CDCA7L: variants seen among roughly 807,000 people sequenced by gnomAD.
CDCA7L encodes the protein cell division cycle associated 7 like, also known as cell division cycle-associated 7-like protein.
CDCA7L carries 44 observed loss-of-function variants against 57.4 expected under a neutral mutation model. The observed-to-expected ratio is 0.77, with a 90% confidence interval of 0.60 to 0.98. The LOEUF (loss-of-function observed/expected upper bound fraction) is 0.98, where lower values mean the gene tolerates loss of function less well. Among genes scored for constraint, CDCA7L ranks in the 50% least tolerant of loss-of-function variants. The pLI, the probability that CDCA7L is intolerant of heterozygous loss-of-function variation, is 0.00. For synonymous variants in CDCA7L, 236 were observed against 202.8 expected, an observed-to-expected ratio of 1.16 and a Z score of -1.39; for missense variants, 644 against 580.6, an observed-to-expected ratio of 1.11 and a Z score of -1.12.
chr7:21,905,041 T>C (rs879872094), intron 7 of CDCA7L, among the ~76,000 whole-genome samples: 1 of 152,008 alleles, frequency 6.6e-6, no homozygotes, highest in Non-Finnish European at 1.5e-5. Context: ...AACTTGACAG[T>C]GTCCCGTTAC....
intron 1 of CDCA7L, among the ~76,000 whole-genome samples, chr7:21,933,111 G>A (rs962078862): frequency 5.3e-5 from 8 of 152,004 alleles, no homozygotes; most frequent in Non-Finnish European, 7.4e-5. Context: ...ATACCATCTC[G>A]TGCCAGTTAG....
intron 1 of CDCA7L, among the ~76,000 whole-genome samples, chr7:21,943,108 C>A (rs1213321940): frequency 6.6e-6 from 1 of 152,214 alleles, no homozygotes; most frequent in African/African-American, 2.4e-5. Context: ...ATGAGCTGCA[C>A]TGTTGACAGC....
chr7:21,904,760 A>AGAAT lies in CDCA7L; in HGVS notation c.1048-505_1048-502dup, dbSNP rs538146447. ...CAAAAAGGTTGGGGACCACTGCTCTAGAATGTAACCATCACAGGTCTGTGG... is the reference window on the plus strand; with the variant it reads ...CAAAAAGGTTGGGGACCACTGCTCTAGAATGAATGTAACCATCACAGGTCTGTGG... On this transcript the variant is annotated intron_variant, in intron 7 of 9. Coordinates refer to ENST00000406877, the MANE Select transcript of CDCA7L (RefSeq NM_018719.5). Among the ~76,000 whole-genome samples the AGAAT allele has an allele frequency of 4.6e-5, 7 of 152,324 alleles. No individual in the cohort carries two copies. In the South Asian group the frequency reaches 1.4e-3, roughly 32 times the overall value.
chr7:21,943,785 T>A (rs1786420465), intron 1 of CDCA7L, among the ~76,000 whole-genome samples: 1 of 151,954 alleles, frequency 6.6e-6, no homozygotes, highest in South Asian at 2.1e-4. Flanking sequence ...AATTGGTGCA[T>A]AATGGATCGG....
Position 21,905,619 on chromosome 7 carries a change from C to G in CDCA7L, c.934G>C (p.Glu312Gln), listed in dbSNP as rs761462775. 1.9e-6 allele frequency: 3 copies of G among 1,613,694 alleles called. No homozygotes were observed. In the Admixed American group the frequency reaches 5.0e-5, roughly 27 times the overall value. ...GATATACGGTGACGTCGTCTGTACT[C>G]CCGGCATTTCCCCTGCACAATGAAC... ...RRKTIGGKCR[E>Q]YRRRHRISSF... Residue 312 changes from glutamate (E) to glutamine (Q), a missense_variant, in exon 7 of 10, where the codon GAG becomes CAG. Transcript: ENST00000406877.
chr7:21,904,722 C>T (rs1173708641), intron 7 of CDCA7L, among the ~76,000 whole-genome samples: 1 of 152,202 alleles, frequency 6.6e-6, no homozygotes, highest in East Asian at 1.9e-4. Context: ...TTCACAAAAC[C>T]AGTCCCTGGT....
At chr7:21,939,620 A>G (rs1487607008) in intron 1 of CDCA7L, among the ~76,000 whole-genome samples, 1 of 152,212 alleles carries the variant, frequency 6.6e-6, no homozygotes, top group African/African-American at 2.4e-5. Flanking sequence ...AGATTATCAA[A>G]TTGGACAAGT....
chr7:21,908,481 A>G lies in CDCA7L; in HGVS notation c.330T>C (p.Asp110=). Residue 110 remains aspartate, a synonymous_variant, in exon 4 of 10, where the codon GAT becomes GAC. Transcript: ENST00000406877. ...CCTCGCTCACCAAAGATGCTTTGCC[A>G]TCATCACTCAAATCTGACTCCACGA... The part of the protein sequence containing the change: ...VMVVESDLSD[D]GKASLVSEEE... 1 of 1,540,816 alleles carries G rather than the reference A, an allele frequency of 6.5e-7. No individual in the cohort carries two copies. Among genetic ancestry groups the G allele is most frequent in the Non-Finnish European group, 8.7e-7 (1 of 1,150,458 alleles).
At chr7:21,934,664 C>T (rs934446587) in intron 1 of CDCA7L, among the ~76,000 whole-genome samples, 21 of 152,142 alleles carry the variant, frequency 1.4e-4, no homozygotes, top group Non-Finnish European at 4.4e-5. Flanking sequence ...TACAACTCTA[C>T]ACTATCTACA....
At chr7:21,904,606 G>A (rs1463896129) in intron 7 of CDCA7L, among the ~76,000 whole-genome samples, 1 of 152,176 alleles carries the variant, frequency 6.6e-6, no homozygotes, top group Non-Finnish European at 1.5e-5. Flanking sequence ...GAGGGATCTA[G>A]GTTGTGCACC....
rs571511407 is a variant in CDCA7L, at chr7:21,945,718, G to A, written c.24+63C>T. 1.9e-5 allele frequency: 30 copies of A among 1,589,620 alleles called. No homozygotes were observed. The Middle Eastern group carries it at 1.2e-3, about 62-fold the overall frequency. ...TTTCCAGCCCAAGGCCAGCAGGACC[G>A]GGTGGCAAAGGGAAGTCAAACTGTG... On this transcript the variant is annotated intron_variant, in intron 1 of 9. Coordinates refer to ENST00000406877, the MANE Select transcript of CDCA7L (RefSeq NM_018719.5).
intron 2 of CDCA7L, among the ~76,000 whole-genome samples, chr7:21,915,741 T>C (rs1045129731): frequency 1.3e-5 from 2 of 149,472 alleles, no homozygotes; most frequent in Non-Finnish European, 1.5e-5. Context: ...GCTGGGAAAA[T>C]TGCTTGAACC....
At chr7:21,918,808 T>C (rs890784104) in intron 1 of CDCA7L, among the ~76,000 whole-genome samples, 2 of 152,188 alleles carry the variant, frequency 1.3e-5, no homozygotes, top group African/African-American at 4.8e-5. Context: ...GGAATCAGCC[T>C]GATTTGTTCT....
intron 1 of CDCA7L, among the ~76,000 whole-genome samples, chr7:21,935,945 T>G (rs1423865205): frequency 6.6e-6 from 1 of 151,862 alleles, no homozygotes; most frequent in Admixed American, 6.6e-5. Flanking sequence ...GAGGCGGAGG[T>G]TGCAGTGAGC....
intron 7 of CDCA7L, 125 bp from the exon 8 acceptor site, chr7:21,904,384 C>CTGTT (rs1303963206): frequency 1.9e-5 from 19 of 1,004,958 alleles, no homozygotes; most frequent in Middle Eastern, 2.3e-4. Flanking sequence ...TCAAGCAGGA[C>CTGTT]TGTTTTCCTA....
chr7:21,902,273 CTTG>C lies in CDCA7L; in HGVS notation c.*46_*48del. On this transcript the variant is annotated 3_prime_UTR_variant, in exon 10 of 10. Transcript: ENST00000406877. ...TCTTAGGCACCAATGGTATGCATGT[CTTG>C]TTGGAGTACTCTATGGTGAGGTGGC... 3 of 1,544,374 alleles carry C rather than the reference CTTG, an allele frequency of 1.9e-6. No homozygotes were observed. Among genetic ancestry groups the C allele is most frequent in the Non-Finnish European group, 2.7e-6 (3 of 1,117,316 alleles).
intron 7 of CDCA7L, 26 bp from the exon 8 acceptor site, chr7:21,904,285 T>C: frequency 6.4e-7 from 1 of 1,574,124 alleles, no homozygotes. Flanking sequence ...AGTGAGCAGG[T>C]GAACACAGGG....
intron 1 of CDCA7L, among the ~76,000 whole-genome samples, chr7:21,941,466 C>A (rs1786337718): frequency 6.6e-6 from 1 of 152,148 alleles, no homozygotes; most frequent in Admixed American, 6.5e-5. Context: ...TGGTTCAGTG[C>A]AGCTTACGGT....
intron 8 of CDCA7L, among the ~76,000 whole-genome samples, chr7:21,903,325 G>C (rs569937402): frequency 6.6e-6 from 1 of 152,204 alleles, no homozygotes; most frequent in Admixed American, 6.5e-5. Context: ...ACCTTTTAGG[G>C]CTCCTTGCTT....
Sources: gnomAD v4.1 joint callset for allele counts (sites outside exome capture counted in the v4.1 genomes callset) on GRCh38, gnomAD v4.1.1 for gene constraint, MANE v1.5 for transcripts, NCBI Gene and HGNC (gene_info 2026-07-23, HGNC 2026-07-21) for gene names.